The following GPR89B variants were observed in gnomAD, a reference collection of about 807,000 sequenced individuals.
GPR89B encodes the protein golgi pH regulator B.
In GPR89B, 25 loss-of-function variants were observed where a neutral mutation model predicts 52.4. The observed-to-expected ratio is 0.48, with a 90% CI of 0.35 to 0.67. The LOEUF is 0.67. Among genes scored for constraint, GPR89B ranks in the 30% least tolerant of loss-of-function variants. The pLI is 0.01. For missense variants in GPR89B, 146 were observed against 450.2 expected (o/e 0.32, Z 6.11); for synonymous variants, 52 against 151.2 (o/e 0.34, Z 4.81).
At chr1:147,943,328 G>A (rs2149044221) in intron 3 of GPR89B, 110 bp from the exon 4 acceptor site, 17 of 1,548,254 alleles carry the variant, frequency 1.1e-5, no homozygotes, top group Non-Finnish European at 1.5e-5. Context: ...GATTAGATAG[G>A]ATATATTCAA....
At chr1:148,017,667 A>G in the GPR89B span, among the ~76,000 whole-genome samples, 1 of 150,052 alleles carries the variant, frequency 6.7e-6, no homozygotes, top group East Asian at 2.0e-4. Flanking sequence ...GAACCTGGGA[A>G]GTGGAGCTGG....
At chr1:147,950,423 G>A (rs1343682091) in intron 5 of GPR89B, among the ~76,000 whole-genome samples, 2 of 151,418 alleles carry the variant, frequency 1.3e-5, no homozygotes, top group African/African-American at 2.4e-5. Context: ...TATGGCGGCC[G>A]GGCAGAGACG....
downstream of GPR89B, among the ~76,000 whole-genome samples, chr1:147,997,081 A>G (rs1571330379): frequency 6.6e-6 from 1 of 152,220 alleles, no homozygotes; most frequent in African/African-American, 2.4e-5. Context: ...TGAACAAGCT[A>G]TACATAATCT....
chr1:147,995,211 C>T (rs1316280906), downstream of GPR89B, among the ~76,000 whole-genome samples: 3 of 150,218 alleles, frequency 2.0e-5, no homozygotes, highest in Non-Finnish European at 4.4e-5. Flanking sequence ...ACAAATTATT[C>T]CTGTTTTATG....
At chr1:147,951,362 G>A (rs1455671574) in intron 5 of GPR89B, among the ~76,000 whole-genome samples, 3 of 152,082 alleles carry the variant, frequency 2.0e-5, no homozygotes, top group Non-Finnish European at 4.4e-5. Context: ...ACAATTACTA[G>A]TGAAAGTAAT....
chr1:148,016,704 C>A, the GPR89B span, among the ~76,000 whole-genome samples: 1 of 151,874 alleles, frequency 6.6e-6, no homozygotes, highest in Non-Finnish European at 1.5e-5. Context: ...CCAGCCTGAG[C>A]AACATACTGA....
downstream of GPR89B, among the ~76,000 whole-genome samples, chr1:147,998,512 T>C (rs1346719477): frequency 1.3e-5 from 2 of 151,996 alleles, no homozygotes; most frequent in Non-Finnish European, 2.9e-5. Context: ...CTGATAACAC[T>C]ACCCAAACAA....
At chr1:148,019,132 A>G in the GPR89B span, among the ~76,000 whole-genome samples, 1 of 150,166 alleles carries the variant, frequency 6.7e-6, no homozygotes, top group Admixed American at 6.6e-5. Context: ...ACGCGCCACC[A>G]TGCCCAGCTA....
At chr1:147,970,537 CTCTATCTCTCTCTCTCTA>C (rs1657375157) in intron 10 of GPR89B, among the ~76,000 whole-genome samples, 141 of 129,478 alleles carry the variant, frequency 1.1e-3, no homozygotes, top group Middle Eastern at 3.8e-3. Context: ...CTCTCTCTAT[CTCTATCTCTCTCTCTCTA>C]TCTCTCTCTC....
chr1:148,014,498 G>T, the GPR89B span: 1 of 151,400 alleles, frequency 6.6e-6, no homozygotes, highest in African/African-American at 2.5e-5. Flanking sequence ...AATCGCAGGG[G>T]TCAGCGGAGC....
chr1:147,991,539 G>T (rs1659068593), intron 12 of GPR89B, among the ~76,000 whole-genome samples: 1 of 152,100 alleles, frequency 6.6e-6, no homozygotes, highest in Non-Finnish European at 1.5e-5. Context: ...TTTTCAAAGG[G>T]AATGCTTCCA....
chr1:148,025,330 C>T, the GPR89B span, among the ~76,000 whole-genome samples: 1 of 151,626 alleles, frequency 6.6e-6, no homozygotes, highest in African/African-American at 2.4e-5. Flanking sequence ...CTGGCCCCAC[C>T]ACCAGGCAAA....
intron 10 of GPR89B, among the ~76,000 whole-genome samples, chr1:147,970,354 G>A (rs1392582937): frequency 2.6e-5 from 4 of 151,932 alleles, no homozygotes; most frequent in African/African-American, 9.7e-5. Flanking sequence ...AAATTAGCTG[G>A]GTGTGGTGGT....
At chr1:148,011,407 T>C in the GPR89B span, 1 of 152,322 alleles carries the variant, frequency 6.6e-6, no homozygotes, top group South Asian at 2.1e-4. Flanking sequence ...GCTACTTTCA[T>C]CTAGTCTCCG....
intron 5 of GPR89B, among the ~76,000 whole-genome samples, chr1:147,951,821 C>G (rs1329045699): frequency 1.3e-5 from 2 of 151,754 alleles, no homozygotes; most frequent in Admixed American, 1.3e-4. Flanking sequence ...AGACAGTTCC[C>G]AGGGCCCAGA....
At chr1:147,946,972 A>G (rs1189164130) in intron 5 of GPR89B, among the ~76,000 whole-genome samples, 9 of 152,144 alleles carry the variant, frequency 5.9e-5, no homozygotes, top group African/African-American at 1.9e-4. Flanking sequence ...AACCAGCCTT[A>G]CACTGCCTTC....
At chr1:147,994,725 T>G (rs1418002737), downstream of GPR89B, among the ~76,000 whole-genome samples, 1 of 152,130 alleles carries the variant, frequency 6.6e-6, no homozygotes, top group African/African-American at 2.4e-5. Flanking sequence ...TACAGAATTT[T>G]TAAATGACAA....
intron 11 of GPR89B, among the ~76,000 whole-genome samples, chr1:147,987,018 G>A (rs1205660628): frequency 2.6e-5 from 4 of 151,130 alleles, no homozygotes; most frequent in South Asian, 2.1e-4. Flanking sequence ...CGCAGACTGC[G>A]TGCTACCCCC....
At chr1:147,981,931 C>T (rs1168080797) in intron 10 of GPR89B, among the ~76,000 whole-genome samples, 2 of 151,808 alleles carry the variant, frequency 1.3e-5, no homozygotes, top group African/African-American at 2.4e-5. Flanking sequence ...GGATTATATC[C>T]GTGAGCCACC....
Sources: allele counts gnomAD v4.1 joint callset (sites outside exome capture counted in the v4.1 genomes callset), GRCh38; gene constraint gnomAD v4.1.1; transcripts MANE v1.5; gene names NCBI Gene and HGNC (gene_info 2026-07-23, HGNC 2026-07-21).